TPH2: variants seen among roughly 807,000 people sequenced by gnomAD.
The protein encoded by TPH2 is tryptophan 5-hydroxylase 2.
A neutral mutation model predicts 59.1 loss-of-function variants in TPH2; 27 were observed. That is an observed-to-expected ratio of 0.46 (90% CI 0.34 to 0.63). The LOEUF (loss-of-function observed/expected upper bound fraction) is 0.63, where lower values mean the gene tolerates loss of function less well. TPH2 is among the 30% of genes least tolerant of loss of function. The probability of loss-of-function intolerance (pLI) is 0.01; values close to 1 mark genes in which losing one functional copy is unlikely to be tolerated. For synonymous variants in TPH2, 220 were observed against 210.5 expected (o/e 1.05, Z -0.39); for missense variants, 523 against 588.3 (o/e 0.89, Z 1.15).
chr12:72,010,464 G>C (rs1474531846), intron 8 of TPH2, among the ~76,000 whole-genome samples: 2 of 152,162 alleles, frequency 1.3e-5, no homozygotes, highest in East Asian at 3.8e-4. Context: ...GATGATGCTA[G>C]TGGTGATGGT....
At chr12:71,990,146 A>G (rs551854789) in intron 7 of TPH2, among the ~76,000 whole-genome samples, 7 of 152,320 alleles carry the variant, frequency 4.6e-5, no homozygotes, top group South Asian at 4.2e-4. Flanking sequence ...GGCAGCATGT[A>G]CTGACAGGTG....
chr12:71,986,579 A>C (rs1002146326), intron 7 of TPH2, among the ~76,000 whole-genome samples: 18 of 150,176 alleles, frequency 1.2e-4, no homozygotes, highest in Non-Finnish European at 2.5e-4. Flanking sequence ...GTTCTTTTAG[A>C]CTGTTTTCTG....
At chr12:71,944,754 C>G in intron 4 of TPH2, 68 bp downstream of exon 4, 2 of 1,377,142 alleles carry the variant, frequency 1.5e-6, no homozygotes, top group South Asian at 1.2e-5. Context: ...GGCACTGTGC[C>G]ATGTTCTGTG....
At chr12:72,000,727 G>C (rs1042441108) in intron 8 of TPH2, among the ~76,000 whole-genome samples, 1 of 152,204 alleles carries the variant, frequency 6.6e-6, no homozygotes, top group Admixed American at 6.5e-5. Flanking sequence ...TATGAGATGA[G>C]TGTATTTATG....
chr12:71,943,908 T>C (rs577961207), intron 2 of TPH2, among the ~76,000 whole-genome samples: 71 of 152,114 alleles, frequency 4.7e-4, no homozygotes, highest in Non-Finnish European at 9.4e-4. Context: ...GTTTTAGTTA[T>C]GTTTTTCAGA....
At position 71,994,435 on chromosome 12, in the gene TPH2, T is replaced by G; in HGVS notation, c.942-4T>G. On this transcript the variant is annotated splice_region_variant and splice_polypyrimidine_tract_variant and intron_variant, in intron 7 of 10. Transcript: ENST00000333850. ...ACACGTCTTTGTGATGTCTTTTTTGTCAGAGACACATGCCATGAACTCTTG... is the reference window on the plus strand; with the variant it reads ...ACACGTCTTTGTGATGTCTTTTTTGGCAGAGACACATGCCATGAACTCTTG... 6.2e-7 allele frequency: 1 copy of G among 1,613,854 alleles called. No individual in the cohort carries two copies. The highest frequency in any genetic ancestry group is 8.5e-7 in the Non-Finnish European group (1 of 1,179,740).
intron 8 of TPH2, among the ~76,000 whole-genome samples, chr12:72,014,001 T>G (rs1592411630): frequency 6.6e-6 from 1 of 151,936 alleles, no homozygotes; most frequent in Non-Finnish European, 1.5e-5. Context: ...TCGAAGAGAG[T>G]ATATGGTAAA....
At chr12:72,023,631 A>G (rs993044399) in intron 9 of TPH2, among the ~76,000 whole-genome samples, 1 of 152,028 alleles carries the variant, frequency 6.6e-6, no homozygotes. Flanking sequence ...GGAGTTCAAG[A>G]TCAGCCTGGC....
intron 6 of TPH2, among the ~76,000 whole-genome samples, chr12:71,978,364 T>A (rs1872178701): frequency 6.6e-6 from 1 of 152,340 alleles, no homozygotes; most frequent in South Asian, 2.1e-4. Context: ...TTTATTGCAT[T>A]CTTACTTTGT....
chr12:71,978,943 C>A lies in TPH2; in HGVS notation c.806-9C>A. The A allele has an allele frequency of 6.2e-7, 1 of 1,614,104 alleles. No individual in the cohort carries two copies. Among genetic ancestry groups the A allele is most frequent in the Non-Finnish European group, 8.5e-7 (1 of 1,179,990 alleles). On this transcript the variant is annotated splice_polypyrimidine_tract_variant and intron_variant, in intron 6 of 10. Coordinates refer to ENST00000333850, the MANE Select transcript of TPH2 (RefSeq NM_173353.4). The stretch of plus-strand genomic sequence containing the variant: ...AATATTTAGTTGGCTTTTTCTGTTG[C>A]CTTTTTAGAAAGGTCTGGCTTCACG...
At chr12:71,948,316 T>G (rs1158951882) in intron 4 of TPH2, among the ~76,000 whole-genome samples, 1 of 152,064 alleles carries the variant, frequency 6.6e-6, no homozygotes, top group Non-Finnish European at 1.5e-5. Context: ...TAAAAGAAAG[T>G]GCTAGTTTCT....
intron 8 of TPH2, among the ~76,000 whole-genome samples, chr12:72,009,425 T>A (rs889037285): frequency 6.6e-6 from 1 of 152,242 alleles, no homozygotes; most frequent in Non-Finnish European, 1.5e-5. Context: ...ATTAATTTTG[T>A]GTCCATCAAA....
At chr12:71,949,992 C>G (rs1871301157) in intron 5 of TPH2, among the ~76,000 whole-genome samples, 1 of 151,956 alleles carries the variant, frequency 6.6e-6, no homozygotes, top group African/African-American at 2.4e-5. Context: ...TTCAGTAACC[C>G]CCTTCAGTCT....
chr12:71,969,854 C>T (rs1486688368), intron 5 of TPH2, among the ~76,000 whole-genome samples: 1 of 152,146 alleles, frequency 6.6e-6, no homozygotes, highest in Non-Finnish European at 1.5e-5. Flanking sequence ...TGATTTTAGA[C>T]AAGCAGCTTA....
intron 7 of TPH2, among the ~76,000 whole-genome samples, chr12:71,979,861 C>A (rs1193036723): frequency 6.6e-6 from 1 of 152,214 alleles, no homozygotes; most frequent in East Asian, 1.9e-4. Context: ...ATGTAACAAG[C>A]ATTTACTGGG....
intron 8 of TPH2, among the ~76,000 whole-genome samples, chr12:72,016,131 C>T (rs1873245102): frequency 6.6e-6 from 1 of 152,006 alleles, no homozygotes; most frequent in African/African-American, 2.4e-5. Flanking sequence ...CTCAGTATTC[C>T]CATCTATAAA....
intron 5 of TPH2, among the ~76,000 whole-genome samples, chr12:71,957,327 ATTTTTT>A (rs35425528): frequency 1.4e-3 from 134 of 95,602 alleles, no homozygotes; most frequent in African/African-American, 5.1e-3. Context: ...TGAGTAAAGG[ATTTTTT>A]TTTTTTTTTT....
intron 8 of TPH2, among the ~76,000 whole-genome samples, chr12:71,995,705 T>C (rs1411212745): frequency 6.6e-6 from 1 of 152,194 alleles, no homozygotes; most frequent in Non-Finnish European, 1.5e-5. Context: ...GTCTCTTGTA[T>C]AGCAGGTTCT....
intron 5 of TPH2, among the ~76,000 whole-genome samples, chr12:71,966,635 T>C (rs1200147629): frequency 6.6e-6 from 1 of 152,248 alleles, no homozygotes; most frequent in Admixed American, 6.5e-5. Flanking sequence ...TAACTATTTC[T>C]ATCAGATTCA....
Sources: allele counts gnomAD v4.1 joint callset (sites outside exome capture counted in the v4.1 genomes callset), GRCh38; gene constraint gnomAD v4.1.1; transcripts MANE v1.5; gene names NCBI Gene and HGNC (gene_info 2026-07-23, HGNC 2026-07-21).